The following UNC13D variants were observed in gnomAD, a reference collection of about 807,000 sequenced individuals.
The protein encoded by UNC13D is protein unc-13 homolog D.
UNC13D carries 115 observed loss-of-function variants against 151.7 expected under a neutral mutation model. The ratio of observed to expected loss-of-function variants is 0.76; its 90% confidence interval spans 0.65 to 0.88. The LOEUF (loss-of-function observed/expected upper bound fraction) is 0.88, where lower values mean the gene tolerates loss of function less well. UNC13D is among the 40% of genes least tolerant of loss of function. UNC13D has a pLI of 0.00. For missense variants in UNC13D, 1,369 were observed against 1,438.7 expected (o/e 0.95, Z 0.78); for synonymous variants, 588 against 612.2 (o/e 0.96, Z 0.58).
In UNC13D at chr17:75,830,155, G is replaced by T; in HGVS notation, c.2831-4C>A. On this transcript the variant is annotated splice_region_variant and splice_polypyrimidine_tract_variant and intron_variant, in intron 29 of 31. Transcript: ENST00000207549. ...TGGACAAAGGGGTCGCTGGAGCCTG[G>T]TAAGTGGCCGGGGAGTGTGCGTCAG... 6.3e-7 allele frequency: 1 copy of T among 1,588,696 alleles called. No homozygotes were observed. Among genetic ancestry groups the T allele is most frequent in the Non-Finnish European group, 8.6e-7 (1 of 1,168,172 alleles).
chr17:75,829,981 G>A, intron 30 of UNC13D, 47 bp downstream of exon 30: 1 of 1,560,806 alleles, frequency 6.4e-7, no homozygotes, highest in East Asian at 2.4e-5. Context: ...GGAGCCCAGT[G>A]GGGAGAGATG....
rs754230577 is a variant in UNC13D at position 75,835,999 on chromosome 17, G to C, written c.1544+13C>G. On this transcript the variant is annotated intron_variant, in intron 17 of 31. Transcript: ENST00000207549. ...CAATGCCCCACTACCTCCCGACCTG[G>C]CTATCTGCTCACTTGTGGAAGATCT... The C allele has an allele frequency of 6.2e-7, 1 of 1,614,150 alleles. No homozygotes were observed.
chr17:75,827,443 C>T lies in UNC13D; in HGVS notation c.*522G>A. Reference sequence around the variant, plus strand: ...GGCTTCCTGGCCTGGATGCTGGCAGCCCCTGGGGAGAGGACCCAGGCCCCC... The same window carrying T: ...GGCTTCCTGGCCTGGATGCTGGCAGTCCCTGGGGAGAGGACCCAGGCCCCC... On this transcript the variant is annotated 3_prime_UTR_variant, in exon 32 of 32. Coordinates refer to ENST00000207549, the MANE Select transcript of UNC13D (RefSeq NM_199242.3). 4 of 1,439,336 alleles carry T rather than the reference C, an allele frequency of 2.8e-6. No individual in the cohort carries two copies. The South Asian group carries it at 5.7e-5, about 21-fold the overall frequency. The allele number at this position is 1,439,336 out of a possible 1,614,324, so 89.2% of individuals were successfully genotyped here. A position where few individuals can be genotyped will look rare whatever the true frequency, so the allele number is the denominator to read the frequency against.
chr17:75,834,802 T>G, intron 21 of UNC13D, 86 bp from the exon 22 acceptor site: 1 of 1,607,764 alleles, frequency 6.2e-7, no homozygotes, highest in Non-Finnish European at 8.5e-7. Flanking sequence ...TTTCAGCGAC[T>G]TGGGGGATTT....
At position 75,827,957 on chromosome 17, in the gene UNC13D, C is replaced by T. The variant is rs896687553; in HGVS notation, c.*8G>A. 3.1e-6 allele frequency: 5 copies of T among 1,608,834 alleles called. No homozygotes were observed. Among genetic ancestry groups the T allele is most frequent in the Non-Finnish European group, 4.2e-6 (5 of 1,178,912 alleles). On this transcript the variant is annotated 3_prime_UTR_variant, in exon 32 of 32. Transcript: ENST00000207549. ...CCGGGGACCCAGCCCCACCGCAAAC[C>T]TCTACGGCTACGGTGCCGGCCGCAA... is the stretch of plus-strand genomic sequence containing the variant.
chr17:75,835,570 A>G, intron 19 of UNC13D, 41 bp from the exon 20 acceptor site: 1 of 1,607,720 alleles, frequency 6.2e-7, no homozygotes, highest in Non-Finnish European at 8.5e-7. Context: ...GGCTGGGGCC[A>G]CCATGGACCC....
At chr17:75,829,146 C>A (rs1026243253) in intron 30 of UNC13D, among the ~76,000 whole-genome samples, 163 bp from the exon 31 acceptor site, 1 of 152,228 alleles carries the variant, frequency 6.6e-6, no homozygotes, top group Admixed American at 6.5e-5. Context: ...CTGCTCTGAC[C>A]GTGGGCTGAT....
Position 75,832,916 on chromosome 17 carries a change from G to A in UNC13D, c.2447+50C>T. 1 of 1,531,570 alleles carries A rather than the reference G, an allele frequency of 6.5e-7. No individual in the cohort carries two copies. The highest frequency in any genetic ancestry group is 8.9e-7 in the Non-Finnish European group (1 of 1,127,790). 94.9% of individuals were successfully genotyped at this position (1,531,570 alleles called of 1,614,324 possible). ...GGGGCCCAGGAAGGAGGGGCCGTGG[G>A]AGGAGAGGGGGAGGTGGCGAGCGCG... On this transcript the variant is annotated intron_variant, in intron 25 of 31. Coordinates refer to ENST00000207549, the MANE Select transcript of UNC13D (RefSeq NM_199242.3). The surrounding 1 kb of genome is among the most constrained non-coding windows in gnomAD (Gnocchi z 4.3).
intron 1 of UNC13D, chr17:75,843,739 G>C: frequency 7.0e-7 from 1 of 1,428,226 alleles, no homozygotes; most frequent in East Asian, 2.5e-5. Flanking sequence ...CCAGCAGCGC[G>C]AGCCCTCCGC....
At position 75,832,772 on chromosome 17, in the gene UNC13D, A is replaced by T. The variant is rs2064880386; in HGVS notation, c.2447+194T>A. ...ACCCATAAGGGAGGTCACCAAAGGG[A>T]TTCACCTCCACCCCTCAGAACGGAT... On this transcript the variant is annotated intron_variant, in intron 25 of 31. Coordinates refer to ENST00000207549, the MANE Select transcript of UNC13D (RefSeq NM_199242.3). The surrounding 1 kb of genome is among the most constrained non-coding windows in gnomAD (Gnocchi z 4.3). 1 of 575,582 alleles carries T rather than the reference A, an allele frequency of 1.7e-6. No homozygotes were observed. Among genetic ancestry groups the T allele is most frequent in the Non-Finnish European group, 3.2e-6 (1 of 314,986 alleles). 35.7% of individuals were successfully genotyped at this position (575,582 alleles called of 1,614,324 possible).
intron 6 of UNC13D, among the ~76,000 whole-genome samples, chr17:75,841,523 C>G (rs2064949573): frequency 2.0e-5 from 3 of 147,482 alleles, no homozygotes; most frequent in Non-Finnish European, 4.5e-5. Context: ...CTCACTGCAA[C>G]CTCCGCCTCC....
intron 30 of UNC13D, 109 bp from the exon 31 acceptor site, chr17:75,829,092 A>G: frequency 7.2e-7 from 1 of 1,380,502 alleles, no homozygotes. Flanking sequence ...TGGACTGCAA[A>G]GCCAGCTCTC....
In UNC13D at chr17:75,840,765, C is replaced by A. The variant is rs751394792; in HGVS notation, c.680G>T (p.Arg227Leu). The A allele has an allele frequency of 1.2e-6, 2 of 1,613,954 alleles. No individual in the cohort carries two copies. Among genetic ancestry groups the A allele is most frequent in the Admixed American group, 1.7e-5 (1 of 60,018 alleles). ...LGELTDLHGL[R>L]RIFKEARKDK... ...CTGTGAGCCCTGCAACACGAACCTG[C>A]GAAGCCCATGCAGATCCGTGAGCTC... is the stretch of plus-strand genomic sequence containing the variant. Residue 227 changes from arginine (R) to leucine (L), a missense_variant, in exon 8 of 32, where the codon CGC (arginine) becomes CTC (leucine). Coordinates refer to ENST00000207549, the MANE Select transcript of UNC13D (RefSeq NM_199242.3). This position sits in a 1 kb window ranked among gnomAD's most constrained non-coding sequence, Gnocchi z 4.6.
rs779947557 is a variant in UNC13D, at chr17:75,836,591, G to A, written c.1279C>T (p.Arg427Trp). The change falls in exon 14 of 32, where the codon CGG (arginine) becomes TGG (tryptophan). Residue 427 changes from arginine to tryptophan, a missense_variant. Around this residue, in one of 3 missense-constraint regions of UNC13D, gnomAD observed 550 missense variants for 609.0 expected, o/e 0.90. Transcript: ENST00000207549. ...FPLSVSDSPA[R>W]LQSLLRVLVQ... Reference sequence around the variant, plus strand: ...ACTGACCTGAGAAGAGACTGCAGCCGGGCTGGGGAGTCCGAGACAGAGAGG... The same window carrying A: ...ACTGACCTGAGAAGAGACTGCAGCCAGGCTGGGGAGTCCGAGACAGAGAGG... 40 of 1,613,702 alleles carry A rather than the reference G, an allele frequency of 2.5e-5. No individual in the cohort carries two copies. The highest frequency in any genetic ancestry group is 5.0e-5 in the Admixed American group (3 of 60,010).
chr17:75,831,094 C>G lies in UNC13D; in HGVS notation c.2625+4G>C. On this transcript the variant is annotated splice_donor_region_variant and intron_variant, in intron 27 of 31. Coordinates refer to ENST00000207549, the MANE Select transcript of UNC13D (RefSeq NM_199242.3). ...CTACGGGGAAGCTCACCCAAAGCCC[C>G]TACCTGGAAGGTGGCAGTGTGCAGG... The G allele has an allele frequency of 6.2e-7, 1 of 1,613,910 alleles. No individual in the cohort carries two copies. The highest frequency in any genetic ancestry group is 8.5e-7 in the Non-Finnish European group (1 of 1,180,026).
In UNC13D at chr17:75,827,515, C is replaced by G; in HGVS notation, c.*450G>C. ...CCCCCCAGGGCAGCTGGAGCCTCATCTTTGGCAGGGTCCCCTCTCCCTTTT... is the reference window on the plus strand; with the variant it reads ...CCCCCCAGGGCAGCTGGAGCCTCATGTTTGGCAGGGTCCCCTCTCCCTTTT... On this transcript the variant is annotated 3_prime_UTR_variant, in exon 32 of 32. Transcript: ENST00000207549. The G allele has an allele frequency of 6.5e-7, 1 of 1,530,524 alleles. No individual in the cohort carries two copies. Among genetic ancestry groups the G allele is most frequent in the Non-Finnish European group, 8.7e-7 (1 of 1,143,280 alleles). The allele number at this position is 1,530,524 out of a possible 1,614,324, so 94.8% of individuals were successfully genotyped here.
rs1022932859 is a variant in UNC13D at position 75,827,372 on chromosome 17, G to T, written c.*593C>A. The T allele has an allele frequency of 1.2e-5, 16 of 1,300,176 alleles. No homozygotes were observed. Among genetic ancestry groups the T allele is most frequent in the Non-Finnish European group, 1.6e-5 (16 of 996,614 alleles). 80.5% of individuals were successfully genotyped at this position (1,300,176 alleles called of 1,614,324 possible). ...TCCGTCTGTCTGTGCCAGCCCTGCC[G>T]CCTGCCAGCTCTTGCTCCCTCAGAG... On this transcript the variant is annotated 3_prime_UTR_variant, in exon 32 of 32. Coordinates refer to ENST00000207549, the MANE Select transcript of UNC13D (RefSeq NM_199242.3).
Position 75,829,358 on chromosome 17 carries a change from C to T in UNC13D, c.2955-375G>A, listed in dbSNP as rs573565107. The stretch of plus-strand genomic sequence containing the variant: ...TCACCTAGGCTGGAGTGCAGTGGCG[C>T]CATCTTGGCTCACTACAACCTCCGC... On this transcript the variant is annotated intron_variant, in intron 30 of 31. Coordinates refer to ENST00000207549, the MANE Select transcript of UNC13D (RefSeq NM_199242.3). Among the ~76,000 whole-genome samples the T allele has an allele frequency of 2.6e-5, 4 of 152,292 alleles. No individual in the cohort carries two copies. In the East Asian group the frequency reaches 5.8e-4, roughly 22 times the overall value.
chr17:75,829,017 C>T (rs756260132), intron 30 of UNC13D, 34 bp from the exon 31 acceptor site: 15 of 1,593,824 alleles, frequency 9.4e-6, no homozygotes, highest in Non-Finnish European at 1.1e-5. Context: ...CTGCCAGCCC[C>T]AGCACAGCCA....
Sources: gnomAD v4.1 joint callset for allele counts (sites outside exome capture counted in the v4.1 genomes callset) on GRCh38, gnomAD v4.1.1 for gene constraint, gnomAD v4.1.1 regional missense constraint, Gnocchi (gnomAD v3.1) non-coding constraint, MANE v1.5 for transcripts, NCBI Gene and HGNC (gene_info 2026-07-23, HGNC 2026-07-21) for gene names.